Variants in RGS7 observed in about 807,000 individuals in gnomAD.
The protein encoded by RGS7 is regulator of G-protein signaling 7.
In RGS7, 27 loss-of-function variants were observed where a neutral mutation model predicts 81.1. The observed-to-expected ratio is 0.33, with a 90% confidence interval of 0.25 to 0.46. The LOEUF (loss-of-function observed/expected upper bound fraction) is 0.46, where lower values mean the gene tolerates loss of function less well. Ranked by LOEUF, RGS7 falls within the 20% of genes least tolerant of loss-of-function variation. The probability of loss-of-function intolerance (pLI) is 1.00; values close to 1 mark genes in which losing one functional copy is unlikely to be tolerated. For missense variants in RGS7, 396 were observed against 607.4 expected (o/e 0.65, Z 3.66); for synonymous variants, 208 against 207.7 (o/e 1.00, Z -0.01).
intron 3 of RGS7, among the ~76,000 whole-genome samples, chr1:241,024,271 T>C (rs1003548944): frequency 3.3e-5 from 5 of 152,210 alleles, no homozygotes; most frequent in Admixed American, 2.0e-4. Context: ...GCTGTGATAA[T>C]GGAGAGGAAG....
intron 3 of RGS7, among the ~76,000 whole-genome samples, chr1:241,054,373 A>T (rs760710441): frequency 3.3e-4 from 50 of 152,122 alleles, no homozygotes; most frequent in Non-Finnish European, 5.7e-4. Flanking sequence ...CCTCAGACAG[A>T]CTTTAAATAC....
intron 3 of RGS7, among the ~76,000 whole-genome samples, chr1:240,993,020 T>A (rs1009220924): frequency 3.0e-5 from 4 of 135,250 alleles, no homozygotes; most frequent in Non-Finnish European, 6.2e-5. Context: ...ATCTCAAAAA[T>A]TAAAATGAAA....
chr1:240,906,310 G>C (rs935737591), intron 6 of RGS7, among the ~76,000 whole-genome samples: 1 of 152,102 alleles, frequency 6.6e-6, no homozygotes, highest in Non-Finnish European at 1.5e-5. Context: ...CCTTTGAGCA[G>C]GATTTAACCT....
Position 240,775,844 on chromosome 1 carries a change from T to G in RGS7, c.*376A>C. 1 of 300,068 alleles carries G rather than the reference T, an allele frequency of 3.3e-6. No homozygotes were observed. Among genetic ancestry groups the G allele is most frequent in the Non-Finnish European group, 6.4e-6 (1 of 156,158 alleles). The allele number at this position is 300,068 out of a possible 1,614,324, so 18.6% of individuals were successfully genotyped here. On this transcript the variant is annotated 3_prime_UTR_variant, in exon 19 of 19. Coordinates refer to ENST00000440928, the MANE Select transcript of RGS7 (RefSeq NM_001364886.1). Reference sequence around the variant, plus strand: ...GACTGACTGAATTTTCAGTGAACTGTGTGTCTAACTGAAGCTTTGAGAGAG... The same window carrying G: ...GACTGACTGAATTTTCAGTGAACTGGGTGTCTAACTGAAGCTTTGAGAGAG...
rs753787286 is a variant in RGS7 at position 241,100,374 on chromosome 1, CAAAAAAAAAAAAAA to C, written c.79-1626_79-1613del. On this transcript the variant is annotated intron_variant, in intron 2 of 18. Transcript: ENST00000440928. ...TGGGCAAAAGAGCAAGACTCCATTTCAAAAAAAAAAAAAAAAAAAAAAATTTCCATCAACATAGC... is the reference window on the plus strand; with the variant it reads ...TGGGCAAAAGAGCAAGACTCCATTTCAAAAAAAAATTTCCATCAACATAGC... Among the ~76,000 whole-genome samples the C allele has an allele frequency of 6.5e-4, 52 of 80,460 alleles. 1 individual carries two copies. Among genetic ancestry groups the C allele is most frequent in the African/African-American group, 2.0e-3 (47 of 23,682 alleles). 52.8% of individuals were successfully genotyped at this position (80,460 alleles called of 152,430 possible).
At chr1:240,866,249 C>A (rs937036529) in intron 9 of RGS7, among the ~76,000 whole-genome samples, 3 of 152,192 alleles carry the variant, frequency 2.0e-5, no homozygotes, top group African/African-American at 7.2e-5. Flanking sequence ...CGGTTGCTCA[C>A]GCCTGTAATC....
chr1:241,119,949 A>G (rs2066135473), intron 2 of RGS7, among the ~76,000 whole-genome samples: 1 of 151,996 alleles, frequency 6.6e-6, no homozygotes, highest in Non-Finnish European at 1.5e-5. Flanking sequence ...AGCACATCAC[A>G]CTTTTGTATG....
At chr1:240,920,494 G>A in intron 6 of RGS7, 1 of 905,280 alleles carries the variant, frequency 1.1e-6, no homozygotes, top group Non-Finnish European at 1.8e-6. Flanking sequence ...GGAAACTTTG[G>A]AGGCAGAAGC....
intron 3 of RGS7, among the ~76,000 whole-genome samples, chr1:241,065,212 TATATATATTATCTTTTAATATATATTAAA>T (rs1204100660): frequency 0.026 from 3,821 of 149,332 alleles, 145 homozygotes; most frequent in African/African-American, 0.076. Flanking sequence ...CATAGAGATA[TATATATATTATCTTTTAATATATATTAAA>T]AGATATATTA....
intron 2 of RGS7, among the ~76,000 whole-genome samples, chr1:241,210,428 G>A (rs531122940): frequency 2.6e-5 from 4 of 152,150 alleles, no homozygotes; most frequent in Non-Finnish European, 5.9e-5. Flanking sequence ...GATTACAGGC[G>A]TGAGCCACCA....
intron 2 of RGS7, among the ~76,000 whole-genome samples, chr1:241,107,071 TG>T (rs1237344708): frequency 1.3e-5 from 2 of 152,280 alleles, no homozygotes; most frequent in Non-Finnish European, 2.9e-5. Flanking sequence ...GTAAGTACTG[TG>T]GGATGTCTTC....
At chr1:240,892,009 G>C (rs1048997930) in intron 6 of RGS7, among the ~76,000 whole-genome samples, 1 of 152,182 alleles carries the variant, frequency 6.6e-6, no homozygotes. Flanking sequence ...GACTCTGAGA[G>C]GACGGGAGGA....
At chr1:241,079,311 C>G (rs1230473211) in intron 3 of RGS7, among the ~76,000 whole-genome samples, 2 of 152,178 alleles carry the variant, frequency 1.3e-5, no homozygotes, top group Non-Finnish European at 2.9e-5. Context: ...TGAATGTCTA[C>G]TGTGTGCCAA....
intron 6 of RGS7, among the ~76,000 whole-genome samples, chr1:240,922,434 A>G (rs1334112647): frequency 1.3e-5 from 2 of 152,098 alleles, no homozygotes; most frequent in African/African-American, 4.8e-5. Context: ...ACTGAAAGAC[A>G]AACTACAGAC....
At chr1:241,083,028 C>A (rs1387833998) in intron 3 of RGS7, among the ~76,000 whole-genome samples, 1 of 151,884 alleles carries the variant, frequency 6.6e-6, no homozygotes, top group African/African-American at 2.4e-5. Flanking sequence ...AGTTCAAGAC[C>A]AGCCTGGCCA....
At chr1:241,029,696 C>G (rs2059969889) in intron 3 of RGS7, among the ~76,000 whole-genome samples, 1 of 152,158 alleles carries the variant, frequency 6.6e-6, no homozygotes, top group Admixed American at 6.5e-5. Context: ...TTGAATAATT[C>G]CGCCTAAAGG....
intron 3 of RGS7, among the ~76,000 whole-genome samples, chr1:241,018,281 C>A (rs1187018723): frequency 6.6e-6 from 1 of 151,902 alleles, no homozygotes; most frequent in Non-Finnish European, 1.5e-5. Context: ...CCATACCCTG[C>A]CTCGCCTTGT....
intron 2 of RGS7, among the ~76,000 whole-genome samples, chr1:241,177,258 G>C (rs963663834): frequency 1.3e-5 from 2 of 152,192 alleles, no homozygotes; most frequent in Non-Finnish European, 1.5e-5. Flanking sequence ...TGATGTGTGA[G>C]CAGACACTGG....
intron 2 of RGS7, among the ~76,000 whole-genome samples, chr1:241,227,704 T>C (rs2075394822): frequency 7.7e-6 from 1 of 130,174 alleles, no homozygotes; most frequent in Non-Finnish European, 1.7e-5. Context: ...ATTGCTCCAC[T>C]ACATTACACC....
Sources: gnomAD v4.1 joint callset for allele counts (sites outside exome capture counted in the v4.1 genomes callset) on GRCh38, gnomAD v4.1.1 for gene constraint, MANE v1.5 for transcripts, NCBI Gene and HGNC (gene_info 2026-07-23, HGNC 2026-07-21) for gene names.